DNAJA3: variants seen among roughly 807,000 people sequenced by gnomAD.
DNAJA3 encodes the protein dnaJ homolog subfamily A member 3, mitochondrial.
In DNAJA3, 29 loss-of-function variants were observed where a neutral mutation model predicts 54.9. The observed-to-expected ratio is 0.53, with a 90% CI of 0.39 to 0.72. DNAJA3 has a LOEUF of 0.72. Among genes scored for constraint, DNAJA3 ranks in the 30% least tolerant of loss-of-function variants. The pLI is 0.00. For missense variants in DNAJA3, 708 were observed against 639.4 expected (o/e 1.11, Z -1.16); for synonymous variants, 302 against 251.4 (o/e 1.20, Z -1.90).
At chr16:4,429,848 T>A (rs990982429) in intron 1 of DNAJA3, among the ~76,000 whole-genome samples, 4 of 151,006 alleles carry the variant, frequency 2.6e-5, no homozygotes, top group African/African-American at 7.3e-5. Context: ...AAAAAAAAAA[T>A]TAGCCAACTA....
intron 1 of DNAJA3, chr16:4,433,813 G>A (rs1340989517): frequency 3.9e-5 from 6 of 152,880 alleles, no homozygotes; most frequent in African/African-American, 1.2e-4. Flanking sequence ...TAGTATAAGC[G>A]AGGAGAATCA....
Position 4,439,662 on chromosome 16 carries a change from G to C in DNAJA3, c.430-1713G>C, listed in dbSNP as rs71388579. Among the ~76,000 whole-genome samples, 891 of 152,304 alleles carry C rather than the reference G, an allele frequency of 5.9e-3. 8 individuals are homozygous for C. Among genetic ancestry groups the C allele is most frequent in the Non-Finnish European group, 0.01 (690 of 68,022 alleles). On this transcript the variant is annotated intron_variant, in intron 3 of 11. Transcript: ENST00000262375. ...CGTGTTGCTGACTTCTGTCTTCAAG[G>C]GGGATGTTATTAAACGGACCGAGCC... is the stretch of plus-strand genomic sequence containing the variant.
At chr16:4,439,682 C>T (rs538993997) in intron 3 of DNAJA3, among the ~76,000 whole-genome samples, 1 of 152,204 alleles carries the variant, frequency 6.6e-6, no homozygotes, top group South Asian at 2.1e-4. Flanking sequence ...TTAAACGGAC[C>T]GAGCCTCAGA....
intron 1 of DNAJA3, among the ~76,000 whole-genome samples, chr16:4,428,882 ATTTTT>A (rs766170292): frequency 3.7e-5 from 4 of 108,434 alleles, no homozygotes; most frequent in African/African-American, 3.8e-5. Context: ...CTACAAAAAG[ATTTTT>A]TTTTTTTTTT....
intron 7 of DNAJA3, among the ~76,000 whole-genome samples, chr16:4,446,444 A>G (rs1281959673): frequency 2.7e-5 from 4 of 150,658 alleles, no homozygotes; most frequent in Non-Finnish European, 5.9e-5. Flanking sequence ...AGGTTTCACC[A>G]TGTTGGTCAG....
rs1343869427 is a variant in DNAJA3, at chr16:4,454,880, T to G, written c.1409T>G (p.Phe470Cys). 6.2e-7 allele frequency: 1 copy of G among 1,613,926 alleles called. No individual in the cohort carries two copies. The highest frequency in any genetic ancestry group is 1.3e-5 in the African/African-American group (1 of 74,920). The change falls in exon 11 of 12, where the codon TTC becomes TGC. Residue 470 changes from phenylalanine to cysteine, a missense_variant. Transcript: ENST00000262375. ...RREAGEDEEG[F>C]LSKLKKMFTS ...GAGGCTGGGGAGGACGAGGAGGGAT[T>G]CCTTTCCAAACTTAAGAAAATGTTT... is the stretch of plus-strand genomic sequence containing the variant.
chr16:4,448,854 T>C lies in DNAJA3; in HGVS notation c.1241+6T>C, dbSNP rs1202978914. On this transcript the variant is annotated splice_donor_region_variant and intron_variant, in intron 9 of 11. Transcript: ENST00000262375. ...ATCAAGATACGAGTTCCAAAGTAAGTGCCCCCTAGGCTGTGGCCAAGCCCG... is the reference window on the plus strand; with the variant it reads ...ATCAAGATACGAGTTCCAAAGTAAGCGCCCCCTAGGCTGTGGCCAAGCCCG... The C allele has an allele frequency of 1.9e-6, 3 of 1,610,052 alleles. No individual in the cohort carries two copies. Among genetic ancestry groups the C allele is most frequent in the Non-Finnish European group, 2.5e-6 (3 of 1,177,038 alleles).
rs2056747174 is a variant in DNAJA3, at chr16:4,434,463, A to G, written c.291A>G (p.Ile97Met). The G allele has an allele frequency of 1.2e-6, 2 of 1,614,088 alleles. No homozygotes were observed. The highest frequency in any genetic ancestry group is 1.7e-6 in the Non-Finnish European group (2 of 1,180,032). ...APLAKEDYYQILGVPRNASQK... is the reference protein window; with the variant it reads ...APLAKEDYYQMLGVPRNASQK... ...TGGCCAAAGAAGATTATTATCAGAT[A>G]TTAGGAGTGCCTCGAAATGCCAGCC... The change falls in exon 2 of 12, where the codon ATA (isoleucine) becomes ATG (methionine). Residue 97 changes from isoleucine (I) to methionine (M), a missense_variant. By Grantham distance (10) the Ile-to-Met change is conservative (BLOSUM62 1). Coordinates refer to ENST00000262375, the MANE Select transcript of DNAJA3 (RefSeq NM_005147.6).
At chr16:4,455,343 A>G in intron 11 of DNAJA3, 1 of 629,590 alleles carries the variant, frequency 1.6e-6, no homozygotes, top group Admixed American at 2.7e-5. Flanking sequence ...AGGGCTGTGC[A>G]AGCCTGGGGG....
intron 6 of DNAJA3, among the ~76,000 whole-genome samples, chr16:4,444,334 C>G (rs1053237286): frequency 1.7e-4 from 25 of 148,634 alleles, no homozygotes; most frequent in African/African-American, 5.6e-4. Flanking sequence ...TCTTTTTTTT[C>G]TTTTTCTTTT....
At chr16:4,451,478 C>T (rs9926391) in intron 10 of DNAJA3, among the ~76,000 whole-genome samples, 5,023 of 151,920 alleles carry the variant, frequency 0.033, 290 homozygotes, top group African/African-American at 0.11. Flanking sequence ...AGCTGCCGGC[C>T]GGGCGCAGTG....
At chr16:4,426,334 C>T (rs1395540315) in intron 1 of DNAJA3, among the ~76,000 whole-genome samples, 2 of 152,308 alleles carry the variant, frequency 1.3e-5, no homozygotes, top group Admixed American at 1.3e-4. Context: ...AGATCGTGAA[C>T]CTTCACCTCT....
At chr16:4,431,702 C>CT (rs1293019186) in intron 1 of DNAJA3, 1 of 152,058 alleles carries the variant, frequency 6.6e-6, no homozygotes, top group Non-Finnish European at 1.5e-5. Flanking sequence ...CTCAGCCTCC[C>CT]AAGTAGCTGG....
Position 4,455,818 on chromosome 16 carries a change from T to C in DNAJA3, c.*286T>C. ...CCCTGGCTCAGGCAGAGGGAGATGG[T>C]TAGACTCTTGCAGGGCTAAAACTCT... On this transcript the variant is annotated 3_prime_UTR_variant, in exon 12 of 12. Coordinates refer to ENST00000262375, the MANE Select transcript of DNAJA3 (RefSeq NM_005147.6). 1 of 581,252 alleles carries C rather than the reference T, an allele frequency of 1.7e-6. No homozygotes were observed. Among genetic ancestry groups the C allele is most frequent in the Non-Finnish European group, 3.1e-6 (1 of 325,302 alleles). The allele number at this position is 581,252 out of a possible 1,614,324, so 36.0% of individuals were successfully genotyped here. A position where few individuals can be genotyped will look rare whatever the true frequency, so the allele number is the denominator to read the frequency against.
chr16:4,441,217 T>C, intron 3 of DNAJA3, 158 bp from the exon 4 acceptor site: 1 of 635,518 alleles, frequency 1.6e-6, no homozygotes, highest in Non-Finnish European at 2.7e-6. Context: ...ATCCCTCTTC[T>C]AGGTGCTAGT....
chr16:4,443,209 A>T, intron 6 of DNAJA3, 45 bp downstream of exon 6: 1 of 1,609,242 alleles, frequency 6.2e-7, no homozygotes, highest in Non-Finnish European at 8.5e-7. Flanking sequence ...GAGAGGGCAG[A>T]CAGGGTTGAG....
chr16:4,431,571 A>G (rs2056701415), intron 1 of DNAJA3: 1 of 150,158 alleles, frequency 6.7e-6, no homozygotes, highest in Non-Finnish European at 1.5e-5. Flanking sequence ...CAGGCTTCCT[A>G]GAGTTGTTTC....
chr16:4,434,498 TCA>T lies in DNAJA3; in HGVS notation c.327_328del (p.Lys110GlufsTer13). 2 of 1,612,658 alleles carry T rather than the reference TCA, an allele frequency of 1.2e-6. No individual in the cohort carries two copies. Among genetic ancestry groups the T allele is most frequent in the Non-Finnish European group, 1.7e-6 (2 of 1,179,706 alleles). ...CCTCGAAATGCCAGCCAGAAAGAGA[TCA>T]AGAAAGCCTATTATCAGGTCTGTAT... On this transcript the variant is annotated frameshift_variant, in exon 2 of 12. Coordinates refer to ENST00000262375, the MANE Select transcript of DNAJA3 (RefSeq NM_005147.6). LOFTEE classifies it high-confidence loss of function.
intron 3 of DNAJA3, among the ~76,000 whole-genome samples, chr16:4,439,524 A>G (rs1028009721): frequency 2.0e-5 from 3 of 152,026 alleles, no homozygotes; most frequent in Non-Finnish European, 4.4e-5. Context: ...CACCCAGAAG[A>G]TTCAATTTTT....
Sources: allele counts gnomAD v4.1 joint callset (sites outside exome capture counted in the v4.1 genomes callset), GRCh38; gene constraint gnomAD v4.1.1; transcripts MANE v1.5; gene names NCBI Gene and HGNC (gene_info 2026-07-23, HGNC 2026-07-21).